The following MGAT4C variants were observed in gnomAD, a reference collection of about 807,000 sequenced individuals.
MGAT4C encodes alpha-1,3-mannosyl-glycoprotein 4-beta-N-acetylglucosaminyltransferase C.
Under a neutral mutation model 40.1 loss-of-function variants are expected in MGAT4C, and 19 were observed. The ratio of observed to expected loss-of-function variants is 0.47; its 90% CI spans 0.33 to 0.70. The LOEUF (loss-of-function observed/expected upper bound fraction) is 0.70. Among genes scored for constraint, MGAT4C ranks in the 30% least tolerant of loss-of-function variants. The pLI is 0.02. For synonymous variants in MGAT4C, 181 were observed against 187.1 expected (o/e 0.97, Z 0.27); for missense variants, 491 against 563.2 (o/e 0.87, Z 1.30).
intron 1 of MGAT4C, among the ~76,000 whole-genome samples, chr12:86,825,488 A>C (rs996349075): frequency 6.6e-6 from 1 of 151,376 alleles, no homozygotes; most frequent in African/African-American, 2.4e-5. Context: ...CAAAACTATT[A>C]ACTGAGACAA....
chr12:86,802,324 T>C lies in MGAT4C; in HGVS notation c.-262+36342A>G, dbSNP rs537762571. 1.2e-3 allele frequency among the ~76,000 whole-genome samples: 189 copies of C among 152,116 alleles called. 1 individual carries two copies. Among genetic ancestry groups the C allele is most frequent in the African/African-American group, 4.3e-3 (180 of 41,538 alleles). ...ATTACTGAATGCATACTGTGTTAGA[T>C]ACTCAAAGTCCAAAAATATAACTAA... On this transcript the variant is annotated intron_variant, in intron 1 of 7. Coordinates refer to the MGAT4C transcript ENST00000548651.
chr12:86,646,153 A>G (rs533762670), intron 2 of MGAT4C, among the ~76,000 whole-genome samples: 13 of 152,008 alleles, frequency 8.6e-5, no homozygotes, highest in African/African-American at 2.9e-4. Context: ...AATGACAGCA[A>G]ATTTGGAAAA....
chr12:86,196,559 G>A (rs1555245265), intron 1 of MGAT4C, among the ~76,000 whole-genome samples: 1 of 152,230 alleles, frequency 6.6e-6, no homozygotes, highest in Non-Finnish European at 1.5e-5. Flanking sequence ...TTTCAGGGCT[G>A]TTCTTCCTAT....
chr12:86,674,082 G>C (rs1263419239), intron 2 of MGAT4C, among the ~76,000 whole-genome samples: 1 of 151,938 alleles, frequency 6.6e-6, no homozygotes, highest in Non-Finnish European at 1.5e-5. Flanking sequence ...CCCAAATTTT[G>C]AGACAATTAA....
At chr12:86,825,669 CAG>C (rs1952792865) in intron 1 of MGAT4C, among the ~76,000 whole-genome samples, 3 of 151,346 alleles carry the variant, frequency 2.0e-5, no homozygotes, top group Non-Finnish European at 4.4e-5. Flanking sequence ...AGGTCATTGA[CAG>C]AATATTTAAA....
intron 2 of MGAT4C, among the ~76,000 whole-genome samples, chr12:86,607,015 A>C (rs1962067322): frequency 6.6e-6 from 1 of 152,116 alleles, no homozygotes; most frequent in African/African-American, 2.4e-5. Flanking sequence ...TTTTTTGGAA[A>C]GTATATGATG....
chr12:86,226,629 C>A lies in MGAT4C; in HGVS notation c.-57+29610G>T, dbSNP rs564401985. Among the ~76,000 whole-genome samples, 30 of 152,014 alleles carry A rather than the reference C, an allele frequency of 2.0e-4. No individual in the cohort carries two copies. The East Asian group carries it at 2.1e-3, about 11-fold the overall frequency. On this transcript the variant is annotated intron_variant, in intron 1 of 4. Coordinates refer to ENST00000611864, the MANE Select transcript of MGAT4C (RefSeq NM_001351288.2). ...ACCGCAACCCAAATGATGAAATCTA[C>A]TAACCTACATTCATAGTCAGCTATA...
At chr12:86,335,714 C>T (rs1195376570) in intron 3 of MGAT4C, among the ~76,000 whole-genome samples, 1 of 151,864 alleles carries the variant, frequency 6.6e-6, no homozygotes, top group Non-Finnish European at 1.5e-5. Context: ...GGTTTCTTTG[C>T]AAAAAACATA....
intron 2 of MGAT4C, among the ~76,000 whole-genome samples, chr12:86,441,713 A>T (rs78209203): frequency 9.9e-5 from 15 of 152,006 alleles, no homozygotes; most frequent in Admixed American, 9.8e-4. Flanking sequence ...TCCATGGTGT[A>T]TATGTGCCAC....
intron 4 of MGAT4C, among the ~76,000 whole-genome samples, chr12:86,299,538 C>G (rs1327625835): frequency 6.6e-6 from 1 of 152,064 alleles, no homozygotes; most frequent in Admixed American, 6.5e-5. Context: ...TAGAGACAAA[C>G]AATTTTTAAT....
chr12:86,620,529 T>C (rs1962601579), intron 2 of MGAT4C, among the ~76,000 whole-genome samples: 1 of 152,154 alleles, frequency 6.6e-6, no homozygotes, highest in South Asian at 2.1e-4. Context: ...CACATGGATA[T>C]GGAAAATGGA....
At chr12:86,368,615 C>T (rs971115668) in intron 3 of MGAT4C, among the ~76,000 whole-genome samples, 2 of 151,618 alleles carry the variant, frequency 1.3e-5, no homozygotes, top group Non-Finnish European at 2.9e-5. Context: ...AGACATTTTC[C>T]AGTTTCCATT....
At chr12:86,513,747 T>C (rs1958634479) in intron 2 of MGAT4C, among the ~76,000 whole-genome samples, 1 of 152,092 alleles carries the variant, frequency 6.6e-6, no homozygotes, top group African/African-American at 2.4e-5. Context: ...TTCAGAACTC[T>C]GGAAATGAGC....
intron 2 of MGAT4C, among the ~76,000 whole-genome samples, chr12:86,468,115 C>T (rs1957707599): frequency 6.6e-6 from 1 of 152,008 alleles, no homozygotes; most frequent in Non-Finnish European, 1.5e-5. Flanking sequence ...TTCATATGCC[C>T]TACTGTCTTC....
chr12:86,628,402 A>G (rs942718457), intron 2 of MGAT4C, among the ~76,000 whole-genome samples: 10 of 152,170 alleles, frequency 6.6e-5, no homozygotes, highest in African/African-American at 2.4e-4. Flanking sequence ...AGAACACCAC[A>G]AAGATACTCC....
In MGAT4C at chr12:85,968,148, C is replaced by T. The variant is rs1314020267; in HGVS notation, c.*11141G>A. 1 of 151,900 alleles carries T rather than the reference C, an allele frequency of 6.6e-6. No homozygotes were observed. The highest frequency in any genetic ancestry group is 1.5e-5 in the Non-Finnish European group (1 of 67,898). 9.4% of individuals were successfully genotyped at this position (151,900 alleles called of 1,614,324 possible). On this transcript the variant is annotated 3_prime_UTR_variant, in exon 5 of 5. Transcript: ENST00000611864. ...AAATGAGACAAGGCATACATGCTGA[C>T]ATTTGAAGGATTTATGAAAAAAAGT...
At chr12:86,793,896 A>G (rs1043517667) in intron 1 of MGAT4C, among the ~76,000 whole-genome samples, 4 of 151,980 alleles carry the variant, frequency 2.6e-5, no homozygotes, top group African/African-American at 4.8e-5. Context: ...TGTTGCAAAA[A>G]TTTGAATAAC....
chr12:85,990,667 TAA>T (rs1457850188), intron 2 of MGAT4C, among the ~76,000 whole-genome samples: 3 of 152,128 alleles, frequency 2.0e-5, no homozygotes, highest in Admixed American at 1.3e-4. Context: ...TCTTAATATA[TAA>T]GACTTAATAT....
intron 2 of MGAT4C, among the ~76,000 whole-genome samples, chr12:86,572,594 T>C (rs1273824114): frequency 6.6e-6 from 1 of 152,104 alleles, no homozygotes; most frequent in Non-Finnish European, 1.5e-5. Context: ...CTGAACTACT[T>C]ACTCTTCTCT....
Sources: allele counts gnomAD v4.1 joint callset (sites outside exome capture counted in the v4.1 genomes callset), GRCh38; gene constraint gnomAD v4.1.1; transcripts MANE v1.5; gene names NCBI Gene and HGNC (gene_info 2026-07-23, HGNC 2026-07-21).